KCNN3: variants seen among roughly 807,000 people sequenced by gnomAD.
KCNN3 encodes potassium calcium-activated channel subfamily N member 3.
KCNN3 carries 16 observed loss-of-function variants against 62.9 expected under a neutral mutation model. The observed-to-expected ratio is 0.25, with a 90% CI of 0.17 to 0.39. The LOEUF (loss-of-function observed/expected upper bound fraction) is 0.39. Among genes scored for constraint, KCNN3 ranks in the 10% least tolerant of loss-of-function variants. KCNN3 has a pLI of 1.00. For synonymous variants in KCNN3, 370 were observed against 389.2 expected (o/e 0.95, Z 0.58); for missense variants, 599 against 949.4 (o/e 0.63, Z 4.85).
chr1:154,776,091 G>A (rs1648779240), intron 2 of KCNN3, among the ~76,000 whole-genome samples: 1 of 152,196 alleles, frequency 6.6e-6, no homozygotes, highest in African/African-American at 2.4e-5. Flanking sequence ...CTGCCTCTCA[G>A]GTGCCCCGCC....
At chr1:154,791,367 G>A (rs11264263) in intron 2 of KCNN3, among the ~76,000 whole-genome samples, 2,100 of 150,862 alleles carry the variant, frequency 0.014, 43 homozygotes, top group African/African-American at 0.048. Context: ...ACATTCTTGC[G>A]GCTGGTGCTG....
intron 4 of KCNN3, among the ~76,000 whole-genome samples, chr1:154,732,510 C>T (rs1464022628): frequency 2.6e-5 from 4 of 152,232 alleles, no homozygotes; most frequent in African/African-American, 7.2e-5. Flanking sequence ...TGGACAGCCC[C>T]GTCCAGGACT....
chr1:154,726,284 G>A lies in KCNN3; in HGVS notation c.1591-258C>T, dbSNP rs945950869. The stretch of plus-strand genomic sequence containing the variant: ...GACCTCTGGGAGGCTGAGCTAGCCA[G>A]TTTCAATGGAGAAGGATGCTGGGTG... On this transcript the variant is annotated intron_variant, in intron 4 of 7. Coordinates refer to ENST00000271915, the MANE Select transcript of KCNN3 (RefSeq NM_002249.6). Among the ~76,000 whole-genome samples the A allele has an allele frequency of 1.8e-4, 27 of 152,338 alleles. 1 individual carries two copies. The highest frequency in any genetic ancestry group is 3.4e-3 in the Middle Eastern group (1 of 294).
intron 1 of KCNN3, among the ~76,000 whole-genome samples, chr1:154,846,260 G>A (rs1044030600): frequency 6.6e-6 from 1 of 152,208 alleles, no homozygotes; most frequent in African/African-American, 2.4e-5. Context: ...TTCACAGTGT[G>A]GCACCCTCCC....
intron 1 of KCNN3, among the ~76,000 whole-genome samples, chr1:154,861,216 A>G (rs1652758063): frequency 1.3e-5 from 2 of 151,900 alleles, no homozygotes; most frequent in Non-Finnish European, 2.9e-5. Flanking sequence ...TGGCCTCTCA[A>G]AGTGCTGCGA....
intron 5 of KCNN3, among the ~76,000 whole-genome samples, chr1:154,724,798 T>C (rs866805678): frequency 1.2e-4 from 18 of 152,150 alleles, no homozygotes; most frequent in Middle Eastern, 3.4e-3. Flanking sequence ...AAGGGAAAAA[T>C]TGGATGATGA....
chr1:154,836,787 C>A (rs1348710943), intron 1 of KCNN3, among the ~76,000 whole-genome samples: 1 of 152,244 alleles, frequency 6.6e-6, no homozygotes, highest in Non-Finnish European at 1.5e-5. Flanking sequence ...CGCCCCTGGG[C>A]TCCCTCTGAG....
At chr1:154,853,626 C>T (rs556316938) in intron 1 of KCNN3, among the ~76,000 whole-genome samples, 1 of 152,236 alleles carries the variant, frequency 6.6e-6, no homozygotes, top group African/African-American at 2.4e-5. Context: ...AGCCACTGCA[C>T]CTAGCTCTGA....
At chr1:154,774,800 C>T (rs1648721706) in intron 2 of KCNN3, among the ~76,000 whole-genome samples, 1 of 152,250 alleles carries the variant, frequency 6.6e-6, no homozygotes, top group Admixed American at 6.5e-5. Context: ...TGTGGCCTAA[C>T]ATGAGCTCAG....
At chr1:154,756,756 C>T (rs1246699714) in intron 3 of KCNN3, among the ~76,000 whole-genome samples, 2 of 152,142 alleles carry the variant, frequency 1.3e-5, no homozygotes, top group South Asian at 2.1e-4. Context: ...TCCACTTTCA[C>T]AGTATATGTC....
chr1:154,795,857 G>A (rs1270132191), intron 2 of KCNN3, among the ~76,000 whole-genome samples: 1 of 152,220 alleles, frequency 6.6e-6, no homozygotes, highest in African/African-American at 2.4e-5. Context: ...GACTGGCACA[G>A]TGTTCCAGGA....
chr1:154,750,552 C>T (rs550018008), intron 3 of KCNN3, among the ~76,000 whole-genome samples: 1 of 152,102 alleles, frequency 6.6e-6, no homozygotes, highest in South Asian at 2.1e-4. Flanking sequence ...TCCCTCTCTT[C>T]ATCTGGGAAG....
intron 2 of KCNN3, among the ~76,000 whole-genome samples, chr1:154,774,440 T>G (rs1253185974): frequency 1.3e-5 from 2 of 152,242 alleles, no homozygotes; most frequent in Non-Finnish European, 2.9e-5. Flanking sequence ...CTCTGGGGCC[T>G]CAGTCTTCAT....
chr1:154,865,485 T>C (rs945565811), intron 1 of KCNN3, among the ~76,000 whole-genome samples: 1 of 152,154 alleles, frequency 6.6e-6, no homozygotes, highest in South Asian at 2.1e-4. Context: ...TCTCCTCTTA[T>C]CTGAGCTCAC....
chr1:154,868,903 T>TC (rs984443950), intron 1 of KCNN3, 129 bp downstream of exon 1: 2 of 171,278 alleles, frequency 1.2e-5, no homozygotes, highest in African/African-American at 1.6e-4. Context: ...TCTCTCAATC[T>TC]CTCTCTCTCT....
chr1:154,838,449 G>A (rs1651691992), intron 1 of KCNN3, among the ~76,000 whole-genome samples: 1 of 152,156 alleles, frequency 6.6e-6, no homozygotes, highest in South Asian at 2.1e-4. Flanking sequence ...AGCAAGGCAT[G>A]ATCTGACCCC....
At chr1:154,780,153 A>G (rs1287795117) in intron 2 of KCNN3, among the ~76,000 whole-genome samples, 1 of 149,192 alleles carries the variant, frequency 6.7e-6, no homozygotes, top group Non-Finnish European at 1.5e-5. Flanking sequence ...TTTCCTGCAA[A>G]GGGGTAGGCA....
At chr1:154,803,360 G>GTT (rs1650036945) in intron 2 of KCNN3, among the ~76,000 whole-genome samples, 1 of 152,240 alleles carries the variant, frequency 6.6e-6, no homozygotes, top group East Asian at 1.9e-4. Context: ...TATGGAGCAG[G>GTT]TTGCTCCAAC....
intron 1 of KCNN3, among the ~76,000 whole-genome samples, chr1:154,867,711 C>T (rs1367766001): frequency 1.4e-5 from 2 of 147,124 alleles, no homozygotes; most frequent in East Asian, 2.1e-4. Context: ...ATGGCCAGCC[C>T]GCCCAGCCAC....
Sources: gnomAD v4.1 joint callset for allele counts (sites outside exome capture counted in the v4.1 genomes callset) on GRCh38, gnomAD v4.1.1 for gene constraint, MANE v1.5 for transcripts, NCBI Gene and HGNC (gene_info 2026-07-23, HGNC 2026-07-21) for gene names.